PDE4D: variants seen among roughly 807,000 people sequenced by gnomAD.
The protein encoded by PDE4D is phosphodiesterase 4D.
A neutral mutation model predicts 87.4 loss-of-function variants in PDE4D; 24 were observed. That is an observed-to-expected ratio of 0.27 (90% CI 0.20 to 0.39). The LOEUF is 0.39. PDE4D is among the 10% of genes least tolerant of loss of function. PDE4D has a pLI of 1.00. For missense variants in PDE4D, 714 were observed against 1,041.0 expected (o/e 0.69, Z 4.32); for synonymous variants, 384 against 383.2 (o/e 1.00, Z -0.02).
chr5:59,816,333 GT>G (rs1322275614), intron 1 of PDE4D, among the ~76,000 whole-genome samples: 1 of 151,910 alleles, frequency 6.6e-6, no homozygotes, highest in Non-Finnish European at 1.5e-5. Context: ...AAGCTCCCTC[GT>G]TTTTTTCTCA....
intron 2 of PDE4D, among the ~76,000 whole-genome samples, chr5:59,209,515 TA>T (rs1749612446): frequency 6.6e-6 from 1 of 152,160 alleles, no homozygotes; most frequent in South Asian, 2.1e-4. Context: ...CAGATATGAA[TA>T]AACAACTAAT....
At chr5:59,651,473 T>A (rs1260598609) in intron 1 of PDE4D, among the ~76,000 whole-genome samples, 53 of 151,922 alleles carry the variant, frequency 3.5e-4, no homozygotes, top group Admixed American at 3.5e-3. Flanking sequence ...TTATCTGACC[T>A]TCCTTCCAAA....
In PDE4D at chr5:59,116,366, C is replaced by T. The variant is rs79546148; in HGVS notation, c.808+64229G>A. On this transcript the variant is annotated intron_variant, in intron 5 of 14. Transcript: ENST00000340635. ...GATGATACAAACGAATTTTTTTTGC[C>T]TTCTGACCCTGATTTCCCAAACTTT... is the stretch of plus-strand genomic sequence containing the variant. Among the ~76,000 whole-genome samples the T allele has an allele frequency of 2.5e-3, 386 of 151,956 alleles. 1 individual carries two copies. Among genetic ancestry groups the T allele is most frequent in the Non-Finnish European group, 4.2e-3 (283 of 67,948 alleles).
At chr5:59,403,212 G>A (rs1474975414) in intron 1 of PDE4D, among the ~76,000 whole-genome samples, 1 of 151,740 alleles carries the variant, frequency 6.6e-6, no homozygotes, top group African/African-American at 2.4e-5. Context: ...TGGGGCCCAC[G>A]AGATATTTTC....
chr5:59,490,165 T>C (rs1234482120), intron 1 of PDE4D, among the ~76,000 whole-genome samples: 2 of 152,186 alleles, frequency 1.3e-5, no homozygotes, highest in Non-Finnish European at 2.9e-5. Context: ...TTCTTTCTTC[T>C]AAAGCAACTG....
At chr5:60,142,929 G>C (rs1039234879) in intron 2 of PDE4D, among the ~76,000 whole-genome samples, 1 of 152,164 alleles carries the variant, frequency 6.6e-6, no homozygotes, top group Non-Finnish European at 1.5e-5. Flanking sequence ...AAGAAAATTT[G>C]CAGAGGTAGA....
intron 1 of PDE4D, among the ~76,000 whole-genome samples, chr5:60,204,005 A>G (rs555818910): frequency 2.0e-5 from 3 of 152,362 alleles, no homozygotes; most frequent in African/African-American, 7.2e-5. Context: ...ATTAGTTTAC[A>G]TCTTTAAGAT....
intron 1 of PDE4D, among the ~76,000 whole-genome samples, chr5:59,760,313 A>T (rs1761811125): frequency 6.6e-6 from 1 of 152,204 alleles, no homozygotes; most frequent in South Asian, 2.1e-4. Context: ...AGATTTATTA[A>T]AAGTCTCCTA....
intron 3 of PDE4D, among the ~76,000 whole-genome samples, chr5:59,959,349 A>G (rs895011414): frequency 1.3e-5 from 2 of 152,204 alleles, no homozygotes; most frequent in Non-Finnish European, 2.9e-5. Flanking sequence ...TTTTTCACAG[A>G]ATTAGAAAAA....
intron 5 of PDE4D, among the ~76,000 whole-genome samples, chr5:59,117,597 G>T (rs2153443342): frequency 6.6e-6 from 1 of 152,200 alleles, no homozygotes; most frequent in South Asian, 2.1e-4. Flanking sequence ...CTTCTTCTTT[G>T]TAGTACTTAT....
intron 5 of PDE4D, among the ~76,000 whole-genome samples, chr5:59,055,712 G>A (rs1348916996): frequency 6.6e-6 from 1 of 152,182 alleles, no homozygotes; most frequent in East Asian, 1.9e-4. Context: ...TCCCAAAGTT[G>A]AAGAGAATCC....
At chr5:60,058,742 C>T (rs1483912788) in intron 2 of PDE4D, among the ~76,000 whole-genome samples, 1 of 151,868 alleles carries the variant, frequency 6.6e-6, no homozygotes, top group Non-Finnish European at 1.5e-5. Context: ...GCTCATACTG[C>T]CAATCTCTTG....
intron 1 of PDE4D, chr5:60,460,424 A>C: frequency 7.8e-7 from 1 of 1,278,256 alleles, no homozygotes; most frequent in Non-Finnish European, 1.1e-6. Flanking sequence ...AGCAGGGCAG[A>C]CACTTGTGGA....
At chr5:59,538,654 C>G (rs78993665) in intron 1 of PDE4D, among the ~76,000 whole-genome samples, 1 of 152,138 alleles carries the variant, frequency 6.6e-6, no homozygotes, top group Non-Finnish European at 1.5e-5. Flanking sequence ...CAGCACTGTC[C>G]TTCCCCAATA....
At position 58,970,919 on chromosome 5, in the gene PDE4D, A is replaced by AAT. The variant is rs1561191055; in HGVS notation, c.*3744_*3745insAT. The AAT allele has an allele frequency of 6.6e-6, 1 of 151,988 alleles. No individual in the cohort carries two copies. The highest frequency in any genetic ancestry group is 1.9e-4 in the East Asian group (1 of 5,194). 9.4% of individuals were successfully genotyped at this position (151,988 alleles called of 1,614,324 possible). ...TTGTGTTTCCGAGTTAAAAAAAAAA[A>AAT]AAAAGGAAATAATCAAATGCAAGTA... On this transcript the variant is annotated 3_prime_UTR_variant, in exon 15 of 15. Coordinates refer to ENST00000340635, the MANE Select transcript of PDE4D (RefSeq NM_001104631.2).
chr5:59,609,268 G>T (rs1048071695), intron 1 of PDE4D, among the ~76,000 whole-genome samples: 1 of 151,892 alleles, frequency 6.6e-6, no homozygotes, highest in African/African-American at 2.4e-5. Context: ...TAAGGCACAT[G>T]GCAAGATTGC....
intron 1 of PDE4D, among the ~76,000 whole-genome samples, chr5:59,541,206 T>C (rs1816282874): frequency 6.6e-6 from 1 of 152,186 alleles, no homozygotes; most frequent in Admixed American, 6.6e-5. Context: ...ACTCAGAAAA[T>C]AGAAGGCGCT....
At chr5:60,146,043 G>A (rs960563100) in intron 2 of PDE4D, among the ~76,000 whole-genome samples, 4 of 152,098 alleles carry the variant, frequency 2.6e-5, no homozygotes, top group African/African-American at 4.8e-5. Context: ...GTGAAACCCC[G>A]TCTCCACTAA....
At chr5:59,968,019 T>C (rs898868986) in intron 3 of PDE4D, among the ~76,000 whole-genome samples, 1 of 143,628 alleles carries the variant, frequency 7.0e-6, no homozygotes, top group Admixed American at 7.1e-5. Flanking sequence ...AGTTTCACTC[T>C]TATTGCCCAG....
Sources: allele counts gnomAD v4.1 joint callset (sites outside exome capture counted in the v4.1 genomes callset), GRCh38; gene constraint gnomAD v4.1.1; transcripts MANE v1.5; gene names NCBI Gene and HGNC (gene_info 2026-07-23, HGNC 2026-07-21).